ASTN2: variants seen among roughly 807,000 people sequenced by gnomAD.
ASTN2 encodes the protein astrotactin-2.
A neutral mutation model predicts 139.8 loss-of-function variants in ASTN2; 54 were observed. The observed-to-expected ratio is 0.39, with a 90% CI of 0.31 to 0.48. The LOEUF (loss-of-function observed/expected upper bound fraction) is 0.48. ASTN2 is among the 20% of genes least tolerant of loss of function. The pLI, the probability that ASTN2 is intolerant of heterozygous loss-of-function variation, is 0.95. For synonymous variants in ASTN2, 756 were observed against 719.5 expected (o/e 1.05, Z -0.81); for missense variants, 1,565 against 1,725.1 (o/e 0.91, Z 1.64).
chr9:117,312,438 G>A (rs1474017211), intron 1 of ASTN2, among the ~76,000 whole-genome samples: 1 of 152,168 alleles, frequency 6.6e-6, no homozygotes, highest in Non-Finnish European at 1.5e-5. Context: ...ACTGGCTAGA[G>A]TGTCAAGGAA....
chr9:117,312,039 C>T (rs1827989942), intron 1 of ASTN2, among the ~76,000 whole-genome samples: 1 of 152,148 alleles, frequency 6.6e-6, no homozygotes, highest in Non-Finnish European at 1.5e-5. Flanking sequence ...AGTTACCATT[C>T]CCTCCCCATC....
chr9:117,361,155 G>A (rs1829682351), intron 1 of ASTN2, among the ~76,000 whole-genome samples: 1 of 152,134 alleles, frequency 6.6e-6, no homozygotes, highest in African/African-American at 2.4e-5. Flanking sequence ...AGAGGGGAAA[G>A]GAGAACATTT....
chr9:117,365,315 A>AGAG (rs1564168102), intron 1 of ASTN2, among the ~76,000 whole-genome samples: 1 of 147,480 alleles, frequency 6.8e-6, no homozygotes, highest in Non-Finnish European at 1.5e-5. Flanking sequence ...AAGAAAGAAA[A>AGAG]AGAAAGAAAG....
At chr9:116,954,662 ATT>A (rs1835660752) in intron 10 of ASTN2, among the ~76,000 whole-genome samples, 4 of 120,982 alleles carry the variant, frequency 3.3e-5, no homozygotes, top group Non-Finnish European at 8.3e-5. Flanking sequence ...AACTTTATTT[ATT>A]AAAAAAAAAC....
At chr9:117,212,315 A>G (rs1832160732) in intron 3 of ASTN2, among the ~76,000 whole-genome samples, 1 of 152,104 alleles carries the variant, frequency 6.6e-6, no homozygotes, top group African/African-American at 2.4e-5. Flanking sequence ...TATTAGAAGA[A>G]AACAGGGGAA....
chr9:116,463,764 G>A (rs561137635), intron 20 of ASTN2, among the ~76,000 whole-genome samples: 4 of 152,160 alleles, frequency 2.6e-5, no homozygotes, highest in East Asian at 3.9e-4. Flanking sequence ...TCTCCACTAC[G>A]CTGTGAGCTC....
At chr9:117,022,768 G>A (rs1381181164) in intron 6 of ASTN2, among the ~76,000 whole-genome samples, 2 of 152,104 alleles carry the variant, frequency 1.3e-5, no homozygotes, top group African/African-American at 4.8e-5. Context: ...GGACTCAGCA[G>A]CAGGATAGTT....
intron 5 of ASTN2, among the ~76,000 whole-genome samples, chr9:117,062,839 T>A (rs955523263): frequency 1.3e-5 from 2 of 152,354 alleles, no homozygotes; most frequent in South Asian, 4.1e-4. Flanking sequence ...TATAGCAGGT[T>A]AATTAGGCTT....
intron 1 of ASTN2, among the ~76,000 whole-genome samples, chr9:117,330,491 G>A (rs1828669322): frequency 6.6e-6 from 1 of 152,136 alleles, no homozygotes; most frequent in Non-Finnish European, 1.5e-5. Flanking sequence ...GGGCTCCAGG[G>A]CTGAAAGGAG....
chr9:116,508,183 G>A lies in ASTN2; in HGVS notation c.3356-20683C>T, dbSNP rs529019246. Among the ~76,000 whole-genome samples, 8 of 152,280 alleles carry A rather than the reference G, an allele frequency of 5.3e-5. No homozygotes were observed. In the South Asian group the frequency reaches 8.3e-4, roughly 16 times the overall value. ...TTGGATTACAGGCGTGAGCCACCAC[G>A]CCCCGTAACAACTTTCTAAGCCTCA... On this transcript the variant is annotated intron_variant, in intron 19 of 22. Transcript: ENST00000313400.
chr9:117,314,893 AAT>A (rs1329889812), intron 1 of ASTN2, among the ~76,000 whole-genome samples: 1 of 146,558 alleles, frequency 6.8e-6, no homozygotes, highest in Non-Finnish European at 1.5e-5. Context: ...TATTTATATA[AAT>A]ATATTTTTAT....
At chr9:116,838,012 G>A (rs1832058245) in intron 11 of ASTN2, among the ~76,000 whole-genome samples, 1 of 152,106 alleles carries the variant, frequency 6.6e-6, no homozygotes, top group Non-Finnish European at 1.5e-5. Context: ...TATCCTCAAA[G>A]TAGGGGTGGC....
chr9:117,040,383 CATTCTGGATTCAAATTTGGGCT>C (rs1462318100), intron 5 of ASTN2, among the ~76,000 whole-genome samples: 4 of 152,206 alleles, frequency 2.6e-5, no homozygotes, highest in African/African-American at 9.6e-5. Flanking sequence ...GGAGTTAGAT[CATTCTGGATTCAAATTTGGGCT>C]TTGGCCCTCA....
intron 11 of ASTN2, among the ~76,000 whole-genome samples, chr9:116,842,482 T>A (rs1010487796): frequency 6.6e-6 from 1 of 152,020 alleles, no homozygotes; most frequent in Non-Finnish European, 1.5e-5. Context: ...GTTCTTCTCA[T>A]CCCAGGAGAG....
chr9:117,309,704 T>C (rs1401398252), intron 1 of ASTN2, among the ~76,000 whole-genome samples: 8 of 152,016 alleles, frequency 5.3e-5, no homozygotes, highest in East Asian at 1.9e-4. Context: ...GCAGCCCTCC[T>C]ATACCAAATC....
At chr9:116,612,781 C>A (rs925027517) in intron 19 of ASTN2, 2 of 151,596 alleles carry the variant, frequency 1.3e-5, no homozygotes, top group African/African-American at 4.8e-5. Flanking sequence ...AGATCTGAAA[C>A]TGACACCCTA....
Position 117,173,776 on chromosome 9 carries a change from A to C in ASTN2, c.1016-32298T>G, listed in dbSNP as rs565606036. ...TAAAAAGAAAGATTGAAAAATAATC[A>C]TCTAGGCATTTAAGAAGTTAAAAAA... On this transcript the variant is annotated intron_variant, in intron 3 of 22. Coordinates refer to ENST00000313400, the MANE Select transcript of ASTN2 (RefSeq NM_001365068.1). 1.5e-4 allele frequency among the ~76,000 whole-genome samples: 23 copies of C among 152,066 alleles called. No individual in the cohort carries two copies. In the South Asian group the frequency reaches 3.3e-3, roughly 22 times the overall value.
intron 5 of ASTN2, among the ~76,000 whole-genome samples, chr9:117,049,059 C>T (rs567494198): frequency 1.5e-4 from 22 of 148,840 alleles, no homozygotes; most frequent in Non-Finnish European, 2.5e-4. Context: ...CCTCTACCTC[C>T]CAGGCTCAAG....
chr9:117,414,572 C>G lies in ASTN2; in HGVS notation c.367G>C (p.Val123Leu). The G allele has an allele frequency of 6.2e-7, 1 of 1,601,394 alleles. No homozygotes were observed. The highest frequency in any genetic ancestry group is 1.1e-5 in the South Asian group (1 of 90,770). Residue 123 changes from valine (V) to leucine (L), a missense_variant, in exon 1 of 23, where the codon GTG (valine) becomes CTG (leucine). This residue lies in a region of ASTN2 where 596 missense variants were observed against 576.8 expected (regional missense o/e 1.03). Transcript: ENST00000313400. This position sits in a 1 kb window ranked among gnomAD's most constrained non-coding sequence, Gnocchi z 4.2. Reference sequence around the variant, plus strand: ...ATGCGCCCCGGCAGCTCGTTACGCACAAAGAGCAGGAGGCGCGACTCGGCG... The same window carrying G: ...ATGCGCCCCGGCAGCTCGTTACGCAGAAAGAGCAGGAGGCGCGACTCGGCG... The part of the protein sequence containing the change: ...TAAESRLLLF[V>L]RNELPGRIAV...
Sources: allele counts gnomAD v4.1 joint callset (sites outside exome capture counted in the v4.1 genomes callset), GRCh38; gene constraint gnomAD v4.1.1; regional missense constraint gnomAD v4.1.1; non-coding constraint Gnocchi (gnomAD v3.1); transcripts MANE v1.5; gene names NCBI Gene and HGNC (gene_info 2026-07-23, HGNC 2026-07-21).